The following SLC71A2 variants were observed in gnomAD, a reference collection of about 807,000 sequenced individuals.
SLC71A2 encodes the protein solute carrier family 71 member 2, also known as hippocampus abundant transcript-like 1.
At chr9:94,457,403 T>A in the SLC71A2 span, among the ~76,000 whole-genome samples, 1 of 144,426 alleles carries the variant, frequency 6.9e-6, no homozygotes, top group African/African-American at 2.6e-5. Context: ...GCCCTTTTTT[T>A]TAAAAGTTTT....
chr9:94,439,309 AT>A, the SLC71A2 span, among the ~76,000 whole-genome samples: 20,738 of 146,286 alleles, frequency 0.14, 2,380 homozygotes, highest in East Asian at 0.37. Flanking sequence ...GCGCAGCCCA[AT>A]TTTTTTTTTT....
the SLC71A2 span, among the ~76,000 whole-genome samples, chr9:94,385,253 T>C: frequency 6.6e-6 from 1 of 152,208 alleles, no homozygotes. Context: ...GTCCAGTGTA[T>C]CTATTTTGAC....
the SLC71A2 span, among the ~76,000 whole-genome samples, chr9:94,410,665 G>A: frequency 1.3e-5 from 2 of 152,108 alleles, no homozygotes; most frequent in South Asian, 2.1e-4. Flanking sequence ...AAAAAGAAAC[G>A]CAAATTCCTA....
chr9:94,418,048 C>CG, the SLC71A2 span, among the ~76,000 whole-genome samples: 28 of 151,712 alleles, frequency 1.8e-4, 1 homozygote, highest in East Asian at 1.8e-3. Context: ...GTAGAGACGA[C>CG]GGGAGGGTTT....
the SLC71A2 span, among the ~76,000 whole-genome samples, chr9:94,378,827 G>A: frequency 1.3e-5 from 2 of 151,428 alleles, no homozygotes; most frequent in African/African-American, 2.4e-5. Context: ...AAATTGGATA[G>A]TTTGGTTTTC....
the SLC71A2 span, chr9:94,459,485 C>T: frequency 6.4e-7 from 1 of 1,552,936 alleles, no homozygotes; most frequent in Non-Finnish European, 8.8e-7. Flanking sequence ...CTGGTGACTT[C>T]ATGGTGCTGG....
At chr9:94,458,259 C>G in the SLC71A2 span, 1 of 1,485,160 alleles carries the variant, frequency 6.7e-7, no homozygotes, top group Non-Finnish European at 9.2e-7. Flanking sequence ...AAGTACTGTG[C>G]AGCTCCAAAT....
the SLC71A2 span, among the ~76,000 whole-genome samples, chr9:94,439,588 T>A: frequency 6.6e-6 from 1 of 151,712 alleles, no homozygotes; most frequent in East Asian, 1.9e-4. Context: ...CATTTGATTA[T>A]TTGGTAGGAA....
chr9:94,409,586 C>A, the SLC71A2 span, among the ~76,000 whole-genome samples: 39 of 152,282 alleles, frequency 2.6e-4, 1 homozygote, highest in Middle Eastern at 0.014. Context: ...GATTTGAGAT[C>A]TTTTATAACC....
the SLC71A2 span, among the ~76,000 whole-genome samples, chr9:94,451,794 T>A: frequency 2.6e-5 from 4 of 152,186 alleles, no homozygotes; most frequent in South Asian, 8.3e-4. Flanking sequence ...GGAAATTTTT[T>A]ATGTTTTTAT....
At chr9:94,444,966 C>T in the SLC71A2 span, 28 of 1,613,558 alleles carry the variant, frequency 1.7e-5, no homozygotes, top group Non-Finnish European at 5.9e-6. Flanking sequence ...TCCCACAGGT[C>T]TCAGCCACCT....
chr9:94,439,496 CACTT>C, the SLC71A2 span, among the ~76,000 whole-genome samples: 16 of 151,430 alleles, frequency 1.1e-4, no homozygotes, highest in African/African-American at 3.6e-4. Flanking sequence ...GTGAAGAACA[CACTT>C]ACATATGGAA....
At chr9:94,390,082 C>T in the SLC71A2 span, among the ~76,000 whole-genome samples, 15 of 152,160 alleles carry the variant, frequency 9.9e-5, no homozygotes, top group Admixed American at 3.3e-4. Context: ...GGCGTGGTGG[C>T]GGGCACCTGT....
the SLC71A2 span, among the ~76,000 whole-genome samples, chr9:94,375,648 G>T: frequency 9.7e-4 from 147 of 152,022 alleles, no homozygotes; most frequent in Non-Finnish European, 1.9e-3. Flanking sequence ...CTTAGGACCT[G>T]AAATATAGAG....
At chr9:94,375,515 C>G in the SLC71A2 span, among the ~76,000 whole-genome samples, 2 of 152,052 alleles carry the variant, frequency 1.3e-5, no homozygotes, top group African/African-American at 4.8e-5. Context: ...CCTGACTTAA[C>G]TGGCCTGGTT....
chr9:94,409,129 C>CTTTTTTTTTTTTTTTTTTTT, the SLC71A2 span, among the ~76,000 whole-genome samples: 2 of 68,240 alleles, frequency 2.9e-5, no homozygotes, highest in African/African-American at 1.5e-4. Flanking sequence ...GCCCGGCCTC[C>CTTTTTTTTTTTTTTTTTTTT]TTTTTTTTTT....
the SLC71A2 span, among the ~76,000 whole-genome samples, chr9:94,428,590 ACC>A: frequency 0.038 from 4,368 of 116,048 alleles, 118 homozygotes; most frequent in Admixed American, 0.049. Context: ...ACATATGCAT[ACC>A]CCCCCCCCTT....
At chr9:94,440,239 C>T in the SLC71A2 span, among the ~76,000 whole-genome samples, 2 of 151,874 alleles carry the variant, frequency 1.3e-5, no homozygotes, top group Non-Finnish European at 2.9e-5. Context: ...CTGCAAGCTC[C>T]GCCTCCCGGG....
At chr9:94,447,852 C>A in the SLC71A2 span, among the ~76,000 whole-genome samples, 1 of 152,144 alleles carries the variant, frequency 6.6e-6, no homozygotes, top group Non-Finnish European at 1.5e-5. Context: ...ACCACCAACC[C>A]CTGGCAACCA....
Sources: gnomAD v4.1 joint callset for allele counts (sites outside exome capture counted in the v4.1 genomes callset) on GRCh38, gnomAD v4.1.1 for gene constraint, MANE v1.5 for transcripts, NCBI Gene and HGNC (gene_info 2026-07-23, HGNC 2026-07-21) for gene names.